The following CAB39 variants were observed in gnomAD, a reference collection of about 807,000 sequenced individuals.
The protein encoded by CAB39 is calcium-binding protein 39.
A neutral mutation model predicts 40.0 loss-of-function variants in CAB39; 8 were observed. The observed-to-expected ratio is 0.20, with a 90% CI of 0.12 to 0.36. CAB39 has a LOEUF of 0.36. Among genes scored for constraint, CAB39 ranks in the 10% least tolerant of loss-of-function variants. The probability of loss-of-function intolerance (pLI) is 1.00; values close to 1 mark genes in which losing one functional copy is unlikely to be tolerated. For missense variants in CAB39, 270 were observed against 401.1 expected, an observed-to-expected ratio of 0.67 and a Z score of 2.79; for synonymous variants, 156 against 141.6, an observed-to-expected ratio of 1.10 and a Z score of -0.72.
chr2:230,744,555 G>C (rs1448818383), intron 1 of CAB39, among the ~76,000 whole-genome samples: 2 of 152,212 alleles, frequency 1.3e-5, no homozygotes, highest in Non-Finnish European at 2.9e-5. Context: ...GCCTCCCAAA[G>C]TGCTGGGATT....
At chr2:230,724,889 GGGA>G (rs1450746557) in intron 1 of CAB39, among the ~76,000 whole-genome samples, 2 of 151,500 alleles carry the variant, frequency 1.3e-5, no homozygotes, top group African/African-American at 4.9e-5. Flanking sequence ...GGATGGGGCC[GGGA>G]ATCCATTCAG....
chr2:230,780,908 C>A (rs892099810), intron 2 of CAB39, among the ~76,000 whole-genome samples: 2 of 151,922 alleles, frequency 1.3e-5, no homozygotes, highest in Non-Finnish European at 2.9e-5. Flanking sequence ...ATAATGAGAC[C>A]CCATTGCTAC....
chr2:230,815,171 C>T (rs779158204), intron 7 of CAB39, among the ~76,000 whole-genome samples: 1 of 152,264 alleles, frequency 6.6e-6, no homozygotes, highest in Non-Finnish European at 1.5e-5. Context: ...TCTTTCAGAA[C>T]AGCATATGCC....
chr2:230,718,821 A>G (rs754804695), intron 1 of CAB39, among the ~76,000 whole-genome samples: 7 of 152,240 alleles, frequency 4.6e-5, no homozygotes, highest in South Asian at 4.1e-4. Flanking sequence ...CACTTTGAGC[A>G]GTAACAGGTG....
chr2:230,755,464 C>T (rs1044174920), intron 1 of CAB39, among the ~76,000 whole-genome samples: 1 of 151,934 alleles, frequency 6.6e-6, no homozygotes, highest in Non-Finnish European at 1.5e-5. Flanking sequence ...CTGTTTATGT[C>T]CTTAGCCCAC....
rs1354555373 is a variant in CAB39, at chr2:230,762,588, A to C, written c.114+2473A>C. On this transcript the variant is annotated intron_variant, in intron 2 of 8. Transcript: ENST00000258418. ...ATACATGTCTGCTGGAACTGCCCTC[A>C]GTGGCTATTCCTTAATCCTTATCTT... 2.0e-5 allele frequency among the ~76,000 whole-genome samples: 3 copies of C among 152,264 alleles called. No homozygotes were observed. In the East Asian group the frequency reaches 5.8e-4, roughly 29 times the overall value.
chr2:230,726,540 T>C (rs1694575901), intron 1 of CAB39, among the ~76,000 whole-genome samples: 1 of 152,100 alleles, frequency 6.6e-6, no homozygotes, highest in Admixed American at 6.6e-5. Context: ...CTTTGGCACA[T>C]AAGTCACATA....
chr2:230,749,814 A>G (rs1366754404), intron 1 of CAB39, among the ~76,000 whole-genome samples: 3 of 152,218 alleles, frequency 2.0e-5, no homozygotes, highest in African/African-American at 7.2e-5. Flanking sequence ...ACACTCGTAG[A>G]AGTGTAATTG....
intron 1 of CAB39, among the ~76,000 whole-genome samples, chr2:230,727,842 A>C (rs1032913293): frequency 1.1e-4 from 17 of 152,176 alleles, no homozygotes; most frequent in African/African-American, 4.1e-4. Context: ...ACCTAACATA[A>C]ATACCCATAT....
intron 1 of CAB39, among the ~76,000 whole-genome samples, chr2:230,722,957 T>C (rs1458553993): frequency 6.6e-6 from 1 of 152,216 alleles, no homozygotes; most frequent in Non-Finnish European, 1.5e-5. Context: ...CTTTATGCTA[T>C]ATTATTATAT....
In CAB39 at chr2:230,736,757, G is replaced by T. The variant is rs6747598; in HGVS notation, c.-43-23202G>T. ...TTGACCCTTCTCTGATCTCAACAGT[G>T]TCTGTAAAAATGAAGTACCTGAGTT... is the stretch of plus-strand genomic sequence containing the variant. On this transcript the variant is annotated intron_variant, in intron 1 of 8. Transcript: ENST00000258418. Among the ~76,000 whole-genome samples, 169 of 152,278 alleles carry T rather than the reference G, an allele frequency of 1.1e-3. 2 individuals carry two copies. Among genetic ancestry groups the T allele is most frequent in the African/African-American group, 3.9e-3 (163 of 41,554 alleles).
chr2:230,717,398 C>T (rs932314886), intron 1 of CAB39, among the ~76,000 whole-genome samples: 5 of 152,152 alleles, frequency 3.3e-5, no homozygotes, highest in Admixed American at 1.3e-4. Context: ...AGAGTTCGTA[C>T]GTTCTGTGCC....
chr2:230,779,030 G>A (rs1440403001), intron 2 of CAB39: 2 of 152,006 alleles, frequency 1.3e-5, no homozygotes, highest in African/African-American at 4.8e-5. Flanking sequence ...TTATTAGTGA[G>A]GTGAGCATTA....
rs181699975 is a variant in CAB39 at position 230,776,755 on chromosome 2, A to G, written c.115-14117A>G. ...ACCCAGGCTGGCATGCGGTGGCACG[A>G]TCTCGGCTCACTGCAAGCTCCACCT... On this transcript the variant is annotated intron_variant, in intron 2 of 8. Coordinates refer to ENST00000258418, the MANE Select transcript of CAB39 (RefSeq NM_016289.4). 3.2e-3 allele frequency among the ~76,000 whole-genome samples: 489 copies of G among 150,878 alleles called. 3 individuals are homozygous for G. The highest frequency in any genetic ancestry group is 9.6e-3 in the African/African-American group (393 of 40,990).
chr2:230,756,088 T>C (rs931575725), intron 1 of CAB39, among the ~76,000 whole-genome samples: 26 of 152,178 alleles, frequency 1.7e-4, no homozygotes, highest in Non-Finnish European at 4.4e-5. Flanking sequence ...AAAGGTGCCT[T>C]TGCTGTCACT....
At chr2:230,796,850 G>A (rs1037598056) in intron 4 of CAB39, among the ~76,000 whole-genome samples, 1 of 152,180 alleles carries the variant, frequency 6.6e-6, no homozygotes, top group Non-Finnish European at 1.5e-5. Context: ...AATGGCATAT[G>A]ACTGGGAACA....
chr2:230,754,585 C>G (rs1559599092), intron 1 of CAB39, among the ~76,000 whole-genome samples: 1 of 152,082 alleles, frequency 6.6e-6, no homozygotes, highest in Non-Finnish European at 1.5e-5. Context: ...GTGGCACGAT[C>G]TCAGCTCACT....
At chr2:230,763,347 C>T (rs934205878) in intron 2 of CAB39, among the ~76,000 whole-genome samples, 1 of 151,864 alleles carries the variant, frequency 6.6e-6, no homozygotes, top group African/African-American at 2.4e-5. Flanking sequence ...ATTCTGACAC[C>T]CTGGGAGGCC....
intron 2 of CAB39, among the ~76,000 whole-genome samples, chr2:230,788,921 A>G (rs1018629997): frequency 3.9e-5 from 6 of 152,134 alleles, no homozygotes; most frequent in African/African-American, 7.2e-5. Context: ...TTTTGGCTCT[A>G]TGGAATTACA....
Sources: allele counts gnomAD v4.1 joint callset (sites outside exome capture counted in the v4.1 genomes callset), GRCh38; gene constraint gnomAD v4.1.1; transcripts MANE v1.5; gene names NCBI Gene and HGNC (gene_info 2026-07-23, HGNC 2026-07-21).